Variants in DCC observed in about 807,000 individuals in gnomAD.
The protein encoded by DCC is netrin receptor DCC.
A neutral mutation model predicts 172.5 loss-of-function variants in DCC; 58 were observed. That is an observed-to-expected ratio of 0.34 (90% CI 0.27 to 0.42). The LOEUF (loss-of-function observed/expected upper bound fraction) is 0.42, where lower values mean the gene tolerates loss of function less well. DCC is among the 10% of genes least tolerant of loss of function. The pLI is 1.00. For synonymous variants in DCC, 709 were observed against 644.5 expected (o/e 1.10, Z -1.52); for missense variants, 1,740 against 1,791.0 (o/e 0.97, Z 0.51).
intron 22 of DCC, among the ~76,000 whole-genome samples, chr18:53,438,491 A>C (rs973749025): frequency 1.3e-5 from 2 of 152,240 alleles, no homozygotes; most frequent in Non-Finnish European, 2.9e-5. Context: ...GAAAAATTAT[A>C]AAAGGGATTG....
chr18:52,432,130 T>A (rs1987644887), intron 1 of DCC, among the ~76,000 whole-genome samples: 1 of 152,174 alleles, frequency 6.6e-6, no homozygotes, highest in Non-Finnish European at 1.5e-5. Flanking sequence ...TCACTGCTGC[T>A]CCTTTTTGTC....
chr18:52,343,617 T>A (rs1983751703), intron 1 of DCC, among the ~76,000 whole-genome samples: 2 of 152,204 alleles, frequency 1.3e-5, no homozygotes. Context: ...CACAGGAACC[T>A]TATAGAGTCT....
intron 1 of DCC, among the ~76,000 whole-genome samples, chr18:52,444,065 T>C (rs1029988703): frequency 6.6e-6 from 1 of 152,168 alleles, no homozygotes; most frequent in Non-Finnish European, 1.5e-5. Context: ...CTCAAGAACC[T>C]GGACTGACTG....
chr18:53,289,677 A>G (rs2056978861), intron 12 of DCC, among the ~76,000 whole-genome samples: 1 of 152,284 alleles, frequency 6.6e-6, no homozygotes, highest in African/African-American at 2.4e-5. Context: ...AAGATCATTA[A>G]CAATCCAAAA....
At chr18:53,223,276 T>C (rs959920058) in intron 12 of DCC, among the ~76,000 whole-genome samples, 1 of 152,218 alleles carries the variant, frequency 6.6e-6, no homozygotes, top group African/African-American at 2.4e-5. Flanking sequence ...TCCAATTTAT[T>C]GCAGTCACTG....
chr18:53,195,550 A>G (rs1016417480), intron 9 of DCC, among the ~76,000 whole-genome samples: 3 of 152,048 alleles, frequency 2.0e-5, no homozygotes, highest in Non-Finnish European at 4.4e-5. Flanking sequence ...AATTATTCTC[A>G]TTGTTTTTAC....
intron 1 of DCC, among the ~76,000 whole-genome samples, chr18:52,497,280 A>AAAAAAAT (rs1555689730): frequency 2.4e-3 from 51 of 21,516 alleles, no homozygotes; most frequent in Non-Finnish European, 4.5e-3. Context: ...AAAAAAAAAA[A>AAAAAAAT]ATATATATAT....
intron 1 of DCC, among the ~76,000 whole-genome samples, chr18:52,423,648 T>G (rs574776010): frequency 6.6e-6 from 1 of 152,306 alleles, no homozygotes; most frequent in East Asian, 1.9e-4. Context: ...TTTACACATA[T>G]GTGCTGAGGG....
rs904721188 is a variant in DCC at position 52,937,695 on chromosome 18, C to T, written c.985+12325C>T. On this transcript the variant is annotated intron_variant, in intron 5 of 28. Transcript: ENST00000442544. ...TAGAGTTGAGGTCTCACTATATTGC[C>T]GAGGCTGGTTTTGAACCCCTGGAGT... Among the ~76,000 whole-genome samples the T allele has an allele frequency of 1.2e-4, 18 of 152,072 alleles. No individual in the cohort carries two copies. The South Asian group carries it at 2.3e-3, about 19-fold the overall frequency.
At chr18:53,390,485 C>A (rs181810613) in intron 16 of DCC, among the ~76,000 whole-genome samples, 1 of 152,090 alleles carries the variant, frequency 6.6e-6, no homozygotes, top group African/African-American at 2.4e-5. Flanking sequence ...GCTGTAGACA[C>A]CCAGCATATT....
chr18:53,431,531 A>G (rs1911616458), intron 21 of DCC, among the ~76,000 whole-genome samples: 1 of 151,110 alleles, frequency 6.6e-6, no homozygotes, highest in Admixed American at 6.6e-5. Flanking sequence ...TTTATCGCCT[A>G]GGCTGGAGTG....
chr18:52,742,981 A>C (rs1255438965), intron 1 of DCC, among the ~76,000 whole-genome samples: 1 of 152,216 alleles, frequency 6.6e-6, no homozygotes, highest in East Asian at 1.9e-4. Context: ...TAAAATGATC[A>C]TTATTGGATA....
chr18:52,482,450 T>C (rs1467444204), intron 1 of DCC, among the ~76,000 whole-genome samples: 1 of 152,154 alleles, frequency 6.6e-6, no homozygotes, highest in African/African-American at 2.4e-5. Context: ...ACAACGAACA[T>C]GTACTTCTCT....
intron 1 of DCC, among the ~76,000 whole-genome samples, chr18:52,528,474 C>T (rs1268017042): frequency 6.6e-6 from 1 of 152,090 alleles, no homozygotes; most frequent in Non-Finnish European, 1.5e-5. Flanking sequence ...AAAATCTGCA[C>T]TACTAGGTTT....
chr18:52,894,740 A>G (rs2039703717), intron 2 of DCC, among the ~76,000 whole-genome samples: 1 of 152,074 alleles, frequency 6.6e-6, no homozygotes, highest in African/African-American at 2.4e-5. Context: ...AGAGAAGACT[A>G]ATGTCCCAGC....
chr18:52,994,663 AC>A (rs1009429811), intron 5 of DCC, among the ~76,000 whole-genome samples: 1 of 152,138 alleles, frequency 6.6e-6, no homozygotes, highest in Admixed American at 6.6e-5. Context: ...TTAATTAGCA[AC>A]CTTTTTTGAC....
At position 52,896,052 on chromosome 18, in the gene DCC, T is replaced by G. The variant is rs977719222; in HGVS notation, c.413-9992T>G. Among the ~76,000 whole-genome samples, 6 of 152,186 alleles carry G rather than the reference T, an allele frequency of 3.9e-5. No homozygotes were observed. The South Asian group carries it at 6.2e-4, about 16-fold the overall frequency. On this transcript the variant is annotated intron_variant, in intron 2 of 28. Transcript: ENST00000442544. ...CGCCTGCTTAGGCCTCCCAAAGTGCTAGGATTACAGGTGTGAGCCACTGCA... is the reference window on the plus strand; with the variant it reads ...CGCCTGCTTAGGCCTCCCAAAGTGCGAGGATTACAGGTGTGAGCCACTGCA...
Position 52,496,784 on chromosome 18 carries a change from T to A in DCC, c.91+155906T>A, listed in dbSNP as rs148128243. ...TGGGGCTTTGACAGGCAATACCCAA[T>A]CTGTTTCTCATCAGTTTAAATCTCA... On this transcript the variant is annotated intron_variant, in intron 1 of 28. Transcript: ENST00000442544. Among the ~76,000 whole-genome samples the A allele has an allele frequency of 8.7e-4, 133 of 152,256 alleles. 1 individual carries two copies. In the East Asian group the frequency reaches 0.023, roughly 26 times the overall value.
chr18:53,099,943 CTTTTTTT>C (rs533618559), intron 7 of DCC, among the ~76,000 whole-genome samples: 2 of 92,758 alleles, frequency 2.2e-5, no homozygotes, highest in South Asian at 7.3e-4. Context: ...TTCTTTCTTT[CTTTTTTT>C]TTTTTTTTTT....
Sources: allele counts gnomAD v4.1 joint callset (sites outside exome capture counted in the v4.1 genomes callset), GRCh38; gene constraint gnomAD v4.1.1; transcripts MANE v1.5; gene names NCBI Gene and HGNC (gene_info 2026-07-23, HGNC 2026-07-21).